Variants in TANC2 observed in about 807,000 individuals in gnomAD.
TANC2 encodes the protein protein TANC2.
In TANC2, 26 loss-of-function variants were observed where a neutral mutation model predicts 210.5. That is an observed-to-expected ratio of 0.12 (90% CI 0.09 to 0.17). The LOEUF (loss-of-function observed/expected upper bound fraction) is 0.17, where lower values mean the gene tolerates loss of function less well. Ranked by LOEUF, TANC2 falls within the 10% of genes least tolerant of loss-of-function variation. The pLI is 1.00. For synonymous variants in TANC2, 931 were observed against 967.1 expected, an observed-to-expected ratio of 0.96 and a Z score of 0.69; for missense variants, 2,129 against 2,608.9, an observed-to-expected ratio of 0.82 and a Z score of 4.01.
intron 4 of TANC2, chr17:63,125,300 A>G (rs578210278): frequency 1.3e-5 from 2 of 152,352 alleles, no homozygotes; most frequent in East Asian, 3.9e-4. Context: ...AGTACATAGT[A>G]ACTGTCCAAT....
At chr17:63,051,002 A>G (rs755701788) in intron 2 of TANC2, among the ~76,000 whole-genome samples, 76 of 152,142 alleles carry the variant, frequency 5.0e-4, no homozygotes, top group Non-Finnish European at 4.9e-4. Flanking sequence ...TATGGCAGTG[A>G]TCTCTTTACT....
intron 9 of TANC2, among the ~76,000 whole-genome samples, chr17:63,299,369 A>C (rs1401260719): frequency 6.6e-6 from 1 of 152,070 alleles, no homozygotes. Flanking sequence ...CAATTTTTTA[A>C]CTAATTTATA....
At position 63,104,301 on chromosome 17, in the gene TANC2, G is replaced by A. The variant is rs144608222; in HGVS notation, c.322+4944G>A. Among the ~76,000 whole-genome samples the A allele has an allele frequency of 1.1e-3, 162 of 152,152 alleles. 5 individuals carry two copies. The East Asian group carries it at 0.029, about 27-fold the overall frequency. ...TCCCATAGTATCATAAAGATCCTCA[G>A]CATAGATAGATGATTAAGGATGCTA... On this transcript the variant is annotated intron_variant, in intron 4 of 27. Coordinates refer to ENST00000689528, the Ensembl canonical transcript of TANC2.
At chr17:63,365,084 AC>A (rs566214151) in intron 14 of TANC2, among the ~76,000 whole-genome samples, 202 of 152,226 alleles carry the variant, frequency 1.3e-3, no homozygotes, top group Non-Finnish European at 2.3e-3. Flanking sequence ...AAAGATAAGA[AC>A]CCCACAAGTT....
chr17:63,271,551 T>C (rs1490846940), intron 9 of TANC2, among the ~76,000 whole-genome samples: 1 of 151,808 alleles, frequency 6.6e-6, no homozygotes, highest in Non-Finnish European at 1.5e-5. Context: ...CTACCCGTCA[T>C]CTAGGTTTTA....
intron 8 of TANC2, among the ~76,000 whole-genome samples, chr17:63,257,210 G>C (rs933349306): frequency 6.6e-6 from 1 of 150,806 alleles, no homozygotes; most frequent in African/African-American, 2.4e-5. Context: ...TCATTGTTTT[G>C]TGTTCTTCTT....
At chr17:63,003,223 C>G (rs763131423) in intron 1 of TANC2, among the ~76,000 whole-genome samples, 3 of 152,082 alleles carry the variant, frequency 2.0e-5, no homozygotes, top group Non-Finnish European at 4.4e-5. Flanking sequence ...ATGTTGAGCC[C>G]TTATAATTTG....
At chr17:63,314,321 T>G in intron 9 of TANC2, 67 bp from the exon 10 acceptor site, 1 of 1,567,596 alleles carries the variant, frequency 6.4e-7, no homozygotes, top group Non-Finnish European at 8.7e-7. Context: ...CACTGCATTT[T>G]TTCTCTCTTT....
chr17:62,978,169 A>G (rs1286744084), intron 1 of TANC2, among the ~76,000 whole-genome samples: 1 of 152,220 alleles, frequency 6.6e-6, no homozygotes, highest in Non-Finnish European at 1.5e-5. Flanking sequence ...AGAAGCAAAC[A>G]TTTGAAATAA....
intron 5 of TANC2, among the ~76,000 whole-genome samples, chr17:63,174,247 A>G (rs924377406): frequency 2.6e-5 from 4 of 152,162 alleles, no homozygotes; most frequent in Non-Finnish European, 4.4e-5. Flanking sequence ...TACTCTTTCA[A>G]TTCTTTACAG....
At chr17:63,077,113 C>T (rs1273655466) in intron 3 of TANC2, among the ~76,000 whole-genome samples, 1 of 151,948 alleles carries the variant, frequency 6.6e-6, no homozygotes, top group African/African-American at 2.4e-5. Flanking sequence ...TTTGAAATCA[C>T]TGGAGCCAAA....
chr17:63,348,204 CAT>C (rs2046479410), intron 12 of TANC2, among the ~76,000 whole-genome samples: 1 of 152,198 alleles, frequency 6.6e-6, no homozygotes. Context: ...AAAAGAATCT[CAT>C]GTGCCGAGAT....
At chr17:63,424,812 GAAAAA>G (rs1290099560) in exon 28 of TANC2, 4 of 151,816 alleles carry the variant, frequency 2.6e-5, no homozygotes, top group Non-Finnish European at 4.4e-5. Context: ...TATTTTTCAA[GAAAAA>G]AGGAAAGGAA....
intron 8 of TANC2, among the ~76,000 whole-genome samples, chr17:63,250,075 TA>T (rs35406446): frequency 0.59 from 89,911 of 151,814 alleles, 28,906 homozygotes; most frequent in African/African-American, 0.84. Context: ...TGATGAAATC[TA>T]AAAAAAAGCT....
At chr17:63,327,926 C>G (rs1379246209) in intron 11 of TANC2, among the ~76,000 whole-genome samples, 2 of 152,066 alleles carry the variant, frequency 1.3e-5, no homozygotes, top group South Asian at 2.1e-4. Context: ...CCTCCCCACT[C>G]CCCCCACCTC....
At chr17:63,029,344 G>A (rs1361076127) in intron 2 of TANC2, among the ~76,000 whole-genome samples, 2 of 152,062 alleles carry the variant, frequency 1.3e-5, no homozygotes, top group African/African-American at 4.8e-5. Context: ...CAGACCAAGA[G>A]TGTTACTTGG....
chr17:63,051,822 C>T (rs1470950319), intron 2 of TANC2, among the ~76,000 whole-genome samples: 2 of 152,070 alleles, frequency 1.3e-5, no homozygotes, highest in East Asian at 3.9e-4. Context: ...GGTGATTTTG[C>T]CCAACTGTAG....
At chr17:63,353,048 C>T (rs2046666333) in intron 13 of TANC2, among the ~76,000 whole-genome samples, 1 of 152,086 alleles carries the variant, frequency 6.6e-6, no homozygotes, top group East Asian at 1.9e-4. Flanking sequence ...GGAAAGGCCT[C>T]TCGTTTAAAA....
At chr17:63,350,024 G>A (rs979302781) in intron 12 of TANC2, among the ~76,000 whole-genome samples, 3 of 152,078 alleles carry the variant, frequency 2.0e-5, no homozygotes, top group Non-Finnish European at 4.4e-5. Context: ...CATAATTTGA[G>A]AACTGATTTG....
Sources: allele counts gnomAD v4.1 joint callset (sites outside exome capture counted in the v4.1 genomes callset), GRCh38; gene constraint gnomAD v4.1.1; transcripts MANE v1.5; gene names NCBI Gene and HGNC (gene_info 2026-07-23, HGNC 2026-07-21).